Variants in IQGAP2 observed in about 807,000 individuals in gnomAD.
IQGAP2 encodes the protein ras GTPase-activating-like protein IQGAP2.
Under a neutral mutation model 201.3 loss-of-function variants are expected in IQGAP2, and 173 were observed. The observed-to-expected ratio is 0.86, with a 90% CI of 0.76 to 0.98. The LOEUF is 0.98. Among genes scored for constraint, IQGAP2 ranks in the 50% least tolerant of loss-of-function variants. The probability of loss-of-function intolerance (pLI) is 0.00; values close to 1 mark genes in which losing one functional copy is unlikely to be tolerated. For missense variants in IQGAP2, 1,687 were observed against 1,864.8 expected, an observed-to-expected ratio of 0.90 and a Z score of 1.76; for synonymous variants, 675 against 673.9, an observed-to-expected ratio of 1.00 and a Z score of -0.03.
intron 2 of IQGAP2, among the ~76,000 whole-genome samples, chr5:76,527,219 A>G (rs1188121310): frequency 1.3e-5 from 2 of 152,222 alleles, no homozygotes; most frequent in Non-Finnish European, 2.9e-5. Flanking sequence ...AAGATGGGAG[A>G]GCTTCGCCTC....
At position 76,620,092 on chromosome 5, in the gene IQGAP2, G is replaced by A. The variant is rs557470154; in HGVS notation, c.1522-7318G>A. Among the ~76,000 whole-genome samples, 10 of 152,250 alleles carry A rather than the reference G, an allele frequency of 6.6e-5. No individual in the cohort carries two copies. The South Asian group carries it at 2.1e-3, about 32-fold the overall frequency. The stretch of plus-strand genomic sequence containing the variant: ...TTGATTTTAAGACCTCTGATCTCCA[G>A]AAATATAATCTGTTATTTTAAGCCA... On this transcript the variant is annotated intron_variant, in intron 13 of 35. Transcript: ENST00000274364.
rs1265733412 is a variant in IQGAP2 at position 76,570,662 on chromosome 5, G to T, written c.381+5G>T. On this transcript the variant is annotated splice_donor_5th_base_variant and intron_variant, in intron 4 of 35. Transcript: ENST00000274364. ...GAGTCTATTGGTCTACCCAAGGTAA[G>T]CCTTCACGCACTGGAATCTGAACTA... 1 of 1,602,434 alleles carries T rather than the reference G, an allele frequency of 6.2e-7. No individual in the cohort carries two copies. The highest frequency in any genetic ancestry group is 2.2e-5 in the East Asian group (1 of 44,828).
chr5:76,528,724 G>A (rs770781389), intron 2 of IQGAP2, among the ~76,000 whole-genome samples: 9 of 152,108 alleles, frequency 5.9e-5, no homozygotes, highest in South Asian at 4.1e-4. Context: ...AGGGTCATTC[G>A]TGGCCAATAT....
intron 2 of IQGAP2, among the ~76,000 whole-genome samples, chr5:76,562,109 T>C (rs892748096): frequency 6.6e-6 from 1 of 152,242 alleles, no homozygotes; most frequent in African/African-American, 2.4e-5. Flanking sequence ...GGCCTTTTCC[T>C]TCTTTGGCAC....
intron 2 of IQGAP2, among the ~76,000 whole-genome samples, chr5:76,502,019 C>G (rs1757309859): frequency 6.6e-6 from 1 of 152,154 alleles, no homozygotes; most frequent in African/African-American, 2.4e-5. Context: ...AGCCACTCTC[C>G]TCCTTTGCTT....
intron 1 of IQGAP2, among the ~76,000 whole-genome samples, chr5:76,420,767 T>C (rs1037170631): frequency 2.6e-5 from 4 of 152,216 alleles, no homozygotes; most frequent in African/African-American, 9.6e-5. Context: ...TAACCACCAT[T>C]CTACTTTCCA....
At chr5:76,646,153 A>G (rs2455236) in intron 17 of IQGAP2, among the ~76,000 whole-genome samples, 94,402 of 151,878 alleles carry the variant, frequency 0.62, 29,473 homozygotes, top group South Asian at 0.78. Flanking sequence ...ATCACAACAC[A>G]TGTTTTACTG....
chr5:76,573,282 G>A (rs1187041281), intron 4 of IQGAP2, among the ~76,000 whole-genome samples: 1 of 152,146 alleles, frequency 6.6e-6, no homozygotes, highest in Non-Finnish European at 1.5e-5. Flanking sequence ...TTTTAACATT[G>A]GTTTTTATTA....
chr5:76,407,423 T>C (rs1750857422), intron 1 of IQGAP2, among the ~76,000 whole-genome samples: 1 of 152,198 alleles, frequency 6.6e-6, no homozygotes, highest in South Asian at 2.1e-4. Context: ...AGTTCTGAAG[T>C]AGTTAAACGC....
chr5:76,444,067 C>T (rs1278411147), intron 1 of IQGAP2, among the ~76,000 whole-genome samples: 1 of 151,978 alleles, frequency 6.6e-6, no homozygotes, highest in Non-Finnish European at 1.5e-5. Flanking sequence ...CTCTTCCTCA[C>T]AATAGTAGAA....
At chr5:76,582,944 G>T (rs936928381) in intron 5 of IQGAP2, among the ~76,000 whole-genome samples, 1 of 152,168 alleles carries the variant, frequency 6.6e-6, no homozygotes, top group Non-Finnish European at 1.5e-5. Flanking sequence ...CAACCCCTCC[G>T]TTGCTGGCCT....
intron 2 of IQGAP2, among the ~76,000 whole-genome samples, chr5:76,492,772 C>G (rs552050775): frequency 9.9e-5 from 15 of 152,152 alleles, no homozygotes; most frequent in African/African-American, 3.4e-4. Context: ...AGACACAGTC[C>G]GCTCTTCACT....
At chr5:76,628,173 C>T (rs1170444780) in intron 14 of IQGAP2, among the ~76,000 whole-genome samples, 1 of 152,210 alleles carries the variant, frequency 6.6e-6, no homozygotes, top group Non-Finnish European at 1.5e-5. Context: ...CCAAAGGGAC[C>T]TATGGCCTTT....
intron 17 of IQGAP2, among the ~76,000 whole-genome samples, chr5:76,648,106 G>T (rs1484154958): frequency 6.6e-6 from 1 of 151,986 alleles, no homozygotes; most frequent in Non-Finnish European, 1.5e-5. Flanking sequence ...GGCCACATGG[G>T]GAGTAATAAG....
intron 1 of IQGAP2, among the ~76,000 whole-genome samples, chr5:76,445,534 G>A (rs1486260251): frequency 1.3e-5 from 2 of 148,898 alleles, no homozygotes; most frequent in African/African-American, 2.5e-5. Flanking sequence ...GTGTGGTCTC[G>A]GCTCCCTGCA....
At chr5:76,681,713 G>A (rs1401981268) in intron 28 of IQGAP2, among the ~76,000 whole-genome samples, 1 of 151,882 alleles carries the variant, frequency 6.6e-6, no homozygotes, top group Non-Finnish European at 1.5e-5. Context: ...ATTAAACATA[G>A]AATTACCTCA....
chr5:76,471,372 A>AAAAC lies in IQGAP2; in HGVS notation c.146+9706_146+9707insCAAA, dbSNP rs1561396446. Among the ~76,000 whole-genome samples the AAAAC allele has an allele frequency of 9.1e-4, 107 of 117,242 alleles. 1 individual carries two copies. The South Asian group carries it at 0.017, about 19-fold the overall frequency. The allele number at this position is 117,242 out of a possible 152,430, so 76.9% of individuals were successfully genotyped here. A position where few individuals can be genotyped will look rare whatever the true frequency, so the allele number is the denominator to read the frequency against. On this transcript the variant is annotated intron_variant, in intron 2 of 35. Coordinates refer to ENST00000274364, the MANE Select transcript of IQGAP2 (RefSeq NM_006633.5). ...TCTGAAAATAAACTAAGCAAAAAAA[A>AAAAC]AAAAAAAAAAAAAACACCCTTCCCT... is the stretch of plus-strand genomic sequence containing the variant.
At chr5:76,438,029 T>G (rs1752808341) in intron 1 of IQGAP2, among the ~76,000 whole-genome samples, 1 of 35,248 alleles carries the variant, frequency 2.8e-5, no homozygotes, top group African/African-American at 9.9e-5. Flanking sequence ...TTTTTTTTTT[T>G]TGTTTGTTTT....
intron 13 of IQGAP2, among the ~76,000 whole-genome samples, chr5:76,619,439 A>G (rs562401732): frequency 6.6e-6 from 1 of 152,102 alleles, no homozygotes; most frequent in East Asian, 1.9e-4. Context: ...TCTACCTGCT[A>G]ATTCCTGGAA....
Sources: gnomAD v4.1 joint callset for allele counts (sites outside exome capture counted in the v4.1 genomes callset) on GRCh38, gnomAD v4.1.1 for gene constraint, MANE v1.5 for transcripts, NCBI Gene and HGNC (gene_info 2026-07-23, HGNC 2026-07-21) for gene names.